The following FRY variants were observed in gnomAD, a reference collection of about 807,000 sequenced individuals.
The protein encoded by FRY is FRY microtubule binding protein, also known as protein furry homolog.
In FRY, 128 loss-of-function variants were observed where a neutral mutation model predicts 348.4. That is an observed-to-expected ratio of 0.37 (90% CI 0.32 to 0.43). The LOEUF (loss-of-function observed/expected upper bound fraction) is 0.43. FRY is among the 20% of genes least tolerant of loss of function. FRY has a pLI of 1.00. For synonymous variants in FRY, 1,370 were observed against 1,374.7 expected, an observed-to-expected ratio of 1.00 and a Z score of 0.08; for missense variants, 2,736 against 3,695.2, an observed-to-expected ratio of 0.74 and a Z score of 6.73.
chr13:32,076,197 T>C (rs1180804744), intron 1 of FRY, among the ~76,000 whole-genome samples: 3 of 152,146 alleles, frequency 2.0e-5, no homozygotes, highest in African/African-American at 7.2e-5. Context: ...GGCCCCAGAG[T>C]CATGCAATTA....
At position 32,173,340 on chromosome 13, in the gene FRY, C is replaced by G. The variant is rs371534966; in HGVS notation, c.2152-27C>G. 59 of 1,579,756 alleles carry G rather than the reference C, an allele frequency of 3.7e-5. 1 individual carries two copies. In the African/African-American group the frequency reaches 5.8e-4, roughly 16 times the overall value. Reference sequence around the variant, plus strand: ...TCTTCCTTTGTTATTTCGCTGAATACAGAATGTTGTTCTTATTGCATAACA... The same window carrying G: ...TCTTCCTTTGTTATTTCGCTGAATAGAGAATGTTGTTCTTATTGCATAACA... On this transcript the variant is annotated intron_variant, in intron 18 of 60. Coordinates refer to ENST00000542859, the MANE Select transcript of FRY (RefSeq NM_023037.3).
Position 32,262,394 on chromosome 13 carries a change from T to G in FRY, c.7698T>G (p.Pro2566=), listed in dbSNP as rs965607624. 6 of 1,613,294 alleles carry G rather than the reference T, an allele frequency of 3.7e-6. No homozygotes were observed. In the Admixed American group the frequency reaches 5.0e-5, roughly 13 times the overall value. ...CCTGTGACTCGACCCCTGCAGAACC[T>G]CATTCCTTTAACACCAGAATGTCCA... is the stretch of plus-strand genomic sequence containing the variant. ...TTACDSTPAE[P]HSFNTRMSSF... is the part of the protein sequence containing the mutation. The change falls in exon 53 of 61, where the codon CCT becomes CCG. Residue 2566 remains proline, a synonymous_variant. Coordinates refer to ENST00000542859, the MANE Select transcript of FRY (RefSeq NM_023037.3).
In FRY at chr13:32,254,225, TG is replaced by T; in HGVS notation, c.7248del (p.Ile2417PhefsTer48). On this transcript the variant is annotated frameshift_variant and splice_region_variant, in exon 51 of 61. Transcript: ENST00000542859. LOFTEE classifies it high-confidence loss of function. ...QEVGLSKNPS[V>X]IFSSCGDLDL... is the part of the protein sequence containing the mutation. ...CAGGAGAGGACTCTTGATTCGCAGG[TG>T]ATTTTTTCATCGTGTGGGGATCTGG... 6.2e-7 allele frequency: 1 copy of T among 1,614,010 alleles called. No individual in the cohort carries two copies. Among genetic ancestry groups the T allele is most frequent in the Non-Finnish European group, 8.5e-7 (1 of 1,179,970 alleles).
At chr13:32,182,935 T>A in intron 23 of FRY, 42 bp from the exon 24 acceptor site, 1 of 1,323,742 alleles carries the variant, frequency 7.6e-7, no homozygotes, top group Non-Finnish European at 1.1e-6. Flanking sequence ...AAGTTTGGTG[T>A]CAAAAACAAT....
intron 58 of FRY, among the ~76,000 whole-genome samples, chr13:32,280,612 C>A (rs1485628325): frequency 1.3e-5 from 2 of 152,154 alleles, no homozygotes; most frequent in African/African-American, 4.8e-5. Flanking sequence ...CAAATCGAAT[C>A]CAGCTCATAG....
rs1288288193 is a variant in FRY at position 32,244,202 on chromosome 13, C to T, written c.6828+20C>T. The T allele has an allele frequency of 3.7e-6, 6 of 1,607,858 alleles. No individual in the cohort carries two copies. Among genetic ancestry groups the T allele is most frequent in the Non-Finnish European group, 5.1e-6 (6 of 1,174,824 alleles). ...GTGCAAGTGAGTACTTGGATAACTT[C>T]ACTAAGCAACCAGTCGTTCTAAAAA... On this transcript the variant is annotated intron_variant, in intron 47 of 60. Transcript: ENST00000542859.
At chr13:32,126,380 A>G (rs1879019136) in intron 7 of FRY, among the ~76,000 whole-genome samples, 1 of 152,252 alleles carries the variant, frequency 6.6e-6, no homozygotes, top group Admixed American at 6.5e-5. Flanking sequence ...GGTTGTGAAT[A>G]AGTTGAGAAA....
At chr13:32,057,113 T>C (rs1360201836) in intron 1 of FRY, among the ~76,000 whole-genome samples, 1 of 152,182 alleles carries the variant, frequency 6.6e-6, no homozygotes, top group Non-Finnish European at 1.5e-5. Context: ...GCGGGGAGAC[T>C]ATACAATAAA....
chr13:32,194,254 G>A lies in FRY; in HGVS notation c.3703G>A (p.Ala1235Thr), dbSNP rs1859083798. The change falls in exon 29 of 61, where the codon GCA becomes ACA. Residue 1235 changes from alanine (A) to threonine (T), a missense_variant. This residue lies in a region of FRY where 794 missense variants were observed against 977.0 expected (regional missense o/e 0.81). Coordinates refer to ENST00000542859, the MANE Select transcript of FRY (RefSeq NM_023037.3). ...ATGCTACACAGGTTCCTACCAACTT[G>A]CATCTGGCTGCTTCAAAGCCATAGC... ...DRCYTGSYQL[A>T]SGCFKAIATV... 15 of 1,614,180 alleles carry A rather than the reference G, an allele frequency of 9.3e-6. No homozygotes were observed. Among genetic ancestry groups the A allele is most frequent in the Non-Finnish European group, 1.1e-5 (13 of 1,180,014 alleles).
chr13:32,184,802 CTT>C, intron 25 of FRY, 111 bp downstream of exon 25: 1 of 986,218 alleles, frequency 1.0e-6, no homozygotes, highest in South Asian at 1.4e-5. Context: ...ATACCCTTAA[CTT>C]AGAAAAATCC....
In FRY at chr13:32,209,023, G is replaced by T; in HGVS notation, c.4189G>T (p.Ala1397Ser). The change falls in exon 32 of 61, where the codon GCT (alanine) becomes TCT (serine). Residue 1397 changes from alanine (A) to serine (S), a missense_variant. By Grantham distance (99) the Ala-to-Ser change is moderately conservative. This residue lies in a region of FRY where 794 missense variants were observed against 977.0 expected (regional missense o/e 0.81). Transcript: ENST00000542859. ...CAAGGACCGGGAAGGTGACGTGACT[G>T]CTTCTCACGGGCTGAGAGGAAATGG... ...EVKDREGDVT[A>S]SHGLRGNGWG... The T allele has an allele frequency of 9.3e-6, 15 of 1,614,182 alleles. No individual in the cohort carries two copies. The highest frequency in any genetic ancestry group is 1.3e-5 in the Non-Finnish European group (15 of 1,180,028).
intron 2 of FRY, 53 bp from the exon 3 acceptor site, chr13:32,101,910 A>G: frequency 1.0e-6 from 1 of 991,708 alleles, no homozygotes; most frequent in Non-Finnish European, 1.6e-6. Flanking sequence ...TTTCTTTTAT[A>G]CTATTTAAGA....
chr13:32,114,481 G>A (rs1878174391), intron 3 of FRY, among the ~76,000 whole-genome samples: 1 of 152,152 alleles, frequency 6.6e-6, no homozygotes, highest in African/African-American at 2.4e-5. Flanking sequence ...AAACTCTACT[G>A]TGCTTTATTT....
rs978669445 is a variant in FRY, at chr13:32,165,869, T to C, written c.1892+4618T>C. On this transcript the variant is annotated intron_variant, in intron 17 of 60. Transcript: ENST00000542859. ...AACAAAGAAGGCAGCTTTGTCCAAG[T>C]TCTATTTCCTCATTTTATGACATGT... is the stretch of plus-strand genomic sequence containing the variant. Among the ~76,000 whole-genome samples, 5 of 152,310 alleles carry C rather than the reference T, an allele frequency of 3.3e-5. No homozygotes were observed. The South Asian group carries it at 8.3e-4, about 25-fold the overall frequency.
intron 29 of FRY, among the ~76,000 whole-genome samples, chr13:32,197,541 G>A (rs1437615520): frequency 2.0e-5 from 3 of 152,192 alleles, no homozygotes; most frequent in South Asian, 2.1e-4. Context: ...TCAAGCAGCT[G>A]TGTGTTCTTG....
rs416377 is a variant in FRY at position 32,057,698 on chromosome 13, A to C, written c.71-21136A>C. On this transcript the variant is annotated intron_variant, in intron 1 of 60. Coordinates refer to ENST00000542859, the MANE Select transcript of FRY (RefSeq NM_023037.3). ...CAGTCAGCCGGGCATGGTGGCTCACACCTGTAATGCTAGCACTTTGGGAGG... is the reference window on the plus strand; with the variant it reads ...CAGTCAGCCGGGCATGGTGGCTCACCCCTGTAATGCTAGCACTTTGGGAGG... Among the ~76,000 whole-genome samples, 4 of 152,098 alleles carry C rather than the reference A, an allele frequency of 2.6e-5. No homozygotes were observed. In the Middle Eastern group the frequency reaches 0.01, roughly 388 times the overall value.
At chr13:32,065,158 C>T (rs1874176001) in intron 1 of FRY, among the ~76,000 whole-genome samples, 1 of 152,036 alleles carries the variant, frequency 6.6e-6, no homozygotes, top group African/African-American at 2.4e-5. Context: ...TGAGTCTTAT[C>T]TTTTAAAAAA....
At chr13:32,151,087 GA>G (rs1702005426) in intron 14 of FRY, among the ~76,000 whole-genome samples, 1 of 152,168 alleles carries the variant, frequency 6.6e-6, no homozygotes, top group African/African-American at 2.4e-5. Context: ...AGGTTCTCAA[GA>G]CATTATTCAT....
At chr13:32,247,627 G>A (rs1186698515) in intron 48 of FRY, 125 bp downstream of exon 48, 8 of 802,704 alleles carry the variant, frequency 1.0e-5, no homozygotes, top group East Asian at 5.3e-5. Flanking sequence ...ATTTCTAAGG[G>A]CTAAATTAGG....
Sources: allele counts gnomAD v4.1 joint callset (sites outside exome capture counted in the v4.1 genomes callset), GRCh38; gene constraint gnomAD v4.1.1; regional missense constraint gnomAD v4.1.1; transcripts MANE v1.5; gene names NCBI Gene and HGNC (gene_info 2026-07-23, HGNC 2026-07-21).